DPYD: variants seen among roughly 807,000 people sequenced by gnomAD.
DPYD encodes the protein dihydropyrimidine dehydrogenase [NADP(+)].
A neutral mutation model predicts 116.2 loss-of-function variants in DPYD; 109 were observed. The observed-to-expected ratio is 0.94, with a 90% CI of 0.80 to 1.10. The LOEUF is 1.10. Among genes scored for constraint, DPYD ranks in the 50% least tolerant of loss-of-function variants. DPYD has a pLI of 0.00. For synonymous variants in DPYD, 440 were observed against 432.0 expected (o/e 1.02, Z -0.23); for missense variants, 1,302 against 1,254.5 (o/e 1.04, Z -0.57).
At chr1:97,829,696 T>G (rs948825562) in intron 2 of DPYD, among the ~76,000 whole-genome samples, 4 of 152,166 alleles carry the variant, frequency 2.6e-5, no homozygotes, top group African/African-American at 9.6e-5. Context: ...TTTTTGGCCC[T>G]GAAATTCCTC....
At chr1:97,852,400 C>CT (rs2101569742) in intron 2 of DPYD, among the ~76,000 whole-genome samples, 1 of 152,122 alleles carries the variant, frequency 6.6e-6, no homozygotes, top group Admixed American at 6.5e-5. Flanking sequence ...AAACTGAGGA[C>CT]TAGACAGTTG....
intron 8 of DPYD, among the ~76,000 whole-genome samples, chr1:97,659,746 A>G (rs1189439035): frequency 2.6e-5 from 4 of 152,150 alleles, no homozygotes; most frequent in Non-Finnish European, 4.4e-5. Flanking sequence ...TAAGAACTCA[A>G]AAGTTTTTGA....
intron 5 of DPYD, among the ~76,000 whole-genome samples, chr1:97,705,449 C>T (rs139104094): frequency 6.6e-6 from 1 of 152,052 alleles, no homozygotes; most frequent in Admixed American, 6.6e-5. Flanking sequence ...CATGTCCCTA[C>T]AAAGGACATG....
chr1:97,173,235 C>T (rs200518763), intron 20 of DPYD, among the ~76,000 whole-genome samples: 19,739 of 141,036 alleles, frequency 0.14, 1,606 homozygotes, highest in East Asian at 0.29. Flanking sequence ...CATATATGCG[C>T]ACACATATAT....
At chr1:97,359,988 G>A (rs1670632249) in intron 16 of DPYD, among the ~76,000 whole-genome samples, 1 of 152,170 alleles carries the variant, frequency 6.6e-6, no homozygotes, top group Non-Finnish European at 1.5e-5. Flanking sequence ...TGGGCTAAAT[G>A]TTCCAATTAA....
chr1:97,904,882 A>G (rs115923460), intron 1 of DPYD, among the ~76,000 whole-genome samples: 3 of 151,992 alleles, frequency 2.0e-5, no homozygotes, highest in Non-Finnish European at 2.9e-5. Flanking sequence ...TCAAAATTCC[A>G]TATCAATCCA....
intron 4 of DPYD, among the ~76,000 whole-genome samples, chr1:97,737,118 C>T (rs1372610536): frequency 6.6e-6 from 1 of 152,026 alleles, no homozygotes; most frequent in African/African-American, 2.4e-5. Flanking sequence ...CTAAAATATT[C>T]CTCCTAACTG....
At chr1:97,129,070 T>C (rs1448053844) in intron 20 of DPYD, among the ~76,000 whole-genome samples, 1 of 108,774 alleles carries the variant, frequency 9.2e-6, no homozygotes, top group Non-Finnish European at 1.7e-5. Context: ...TGCTGTATTC[T>C]TTTTTTTTTT....
chr1:97,260,393 T>C (rs1264002604), intron 18 of DPYD, among the ~76,000 whole-genome samples: 1 of 152,108 alleles, frequency 6.6e-6, no homozygotes, highest in Admixed American at 6.6e-5. Flanking sequence ...ATCATATTTA[T>C]AACAAATAAA....
chr1:97,690,457 T>C (rs1163633010), intron 7 of DPYD, among the ~76,000 whole-genome samples: 2 of 151,838 alleles, frequency 1.3e-5, no homozygotes, highest in Non-Finnish European at 2.9e-5. Flanking sequence ...TATATAATAA[T>C]TTTACATATT....
chr1:97,257,464 A>AGAGAGAG lies in DPYD; in HGVS notation c.2300-22471_2300-22470insCTCTCTC, dbSNP rs1557977908. On this transcript the variant is annotated intron_variant, in intron 18 of 22. Transcript: ENST00000370192. Reference sequence around the variant, plus strand: ...ATATATATATATATAGAGAGAGAGAAAGAGAGAGAGAGCACGTGAGTTATG... The same window carrying AGAGAGAG: ...ATATATATATATATAGAGAGAGAGAAGAGAGAGAGAGAGAGAGAGCACGTGAGTTATG... Among the ~76,000 whole-genome samples the AGAGAGAG allele has an allele frequency of 2.4e-3, 330 of 138,210 alleles. 5 individuals are homozygous for AGAGAGAG. The highest frequency in any genetic ancestry group is 8.9e-3 in the African/African-American group (310 of 34,884). 90.7% of individuals were successfully genotyped at this position (138,210 alleles called of 152,430 possible).
At chr1:97,807,047 T>C (rs376713945) in intron 3 of DPYD, among the ~76,000 whole-genome samples, 3 of 152,064 alleles carry the variant, frequency 2.0e-5, no homozygotes, top group African/African-American at 7.2e-5. Context: ...CCACAATTTA[T>C]TTAGGCTTTC....
chr1:97,107,432 A>G (rs1651250403), intron 20 of DPYD, among the ~76,000 whole-genome samples: 1 of 152,064 alleles, frequency 6.6e-6, no homozygotes, highest in Admixed American at 6.6e-5. Flanking sequence ...TATTTTGTAG[A>G]GATGATGAGG....
At chr1:97,169,370 A>G (rs1656554381) in intron 20 of DPYD, among the ~76,000 whole-genome samples, 1 of 152,122 alleles carries the variant, frequency 6.6e-6, no homozygotes, top group African/African-American at 2.4e-5. Flanking sequence ...TTCCAACTCC[A>G]AATGTTTACA....
chr1:97,826,175 C>T (rs893783243), intron 3 of DPYD, among the ~76,000 whole-genome samples: 21 of 152,268 alleles, frequency 1.4e-4, no homozygotes, highest in African/African-American at 4.6e-4. Context: ...GCAGGTAATA[C>T]TTGTTTTTAT....
At chr1:97,883,608 G>A (rs181060396) in intron 1 of DPYD, among the ~76,000 whole-genome samples, 3 of 151,876 alleles carry the variant, frequency 2.0e-5, no homozygotes, top group Admixed American at 1.3e-4. Context: ...TACCACACCT[G>A]GCTAATTTTT....
At chr1:97,862,018 G>A (rs367824400) in intron 2 of DPYD, among the ~76,000 whole-genome samples, 5 of 151,956 alleles carry the variant, frequency 3.3e-5, no homozygotes, top group African/African-American at 1.2e-4. Flanking sequence ...ATGAATAGAA[G>A]TGTAGATCCT....
chr1:97,534,403 C>T (rs1283568304), intron 12 of DPYD, among the ~76,000 whole-genome samples: 1 of 152,026 alleles, frequency 6.6e-6, no homozygotes, highest in Non-Finnish European at 1.5e-5. Context: ...CTTCCACATG[C>T]TCAGCTGGAA....
intron 20 of DPYD, among the ~76,000 whole-genome samples, chr1:97,183,751 C>T (rs1657803120): frequency 6.6e-6 from 1 of 151,996 alleles, no homozygotes; most frequent in Non-Finnish European, 1.5e-5. Context: ...TTTAATTTTT[C>T]TTCAGCAGTT....
Sources: gnomAD v4.1 joint callset for allele counts (sites outside exome capture counted in the v4.1 genomes callset) on GRCh38, gnomAD v4.1.1 for gene constraint, MANE v1.5 for transcripts, NCBI Gene and HGNC (gene_info 2026-07-23, HGNC 2026-07-21) for gene names.